ZNF804B: variants seen among roughly 807,000 people sequenced by gnomAD.
ZNF804B encodes zinc finger 804B.
In ZNF804B, 80 loss-of-function variants were observed where a neutral mutation model predicts 101.4. That is an observed-to-expected ratio of 0.79 (90% confidence interval 0.66 to 0.95). ZNF804B has a LOEUF of 0.95. ZNF804B is among the 40% of genes least tolerant of loss of function. The pLI is 0.00. For synonymous variants in ZNF804B, 622 were observed against 558.8 expected (o/e 1.11, Z -1.59); for missense variants, 1,673 against 1,561.9 (o/e 1.07, Z -1.20).
At chr7:88,849,236 A>G (rs748863095) in intron 1 of ZNF804B, among the ~76,000 whole-genome samples, 7 of 151,952 alleles carry the variant, frequency 4.6e-5, no homozygotes, top group Non-Finnish European at 1.0e-4. Flanking sequence ...CTCCAATTTT[A>G]TTTTTCCATA....
chr7:88,948,306 ATTTTTTTTTTTTTT>A (rs68069374), intron 1 of ZNF804B, among the ~76,000 whole-genome samples: 1 of 92,702 alleles, frequency 1.1e-5, no homozygotes, highest in Non-Finnish European at 2.0e-5. Context: ...CCACCCATCC[ATTTTTTTTTTTTTT>A]TTTTTTTTTT....
chr7:89,069,551 G>A (rs763591025), intron 1 of ZNF804B, among the ~76,000 whole-genome samples: 3 of 151,236 alleles, frequency 2.0e-5, no homozygotes, highest in Admixed American at 6.6e-5. Context: ...TAAAAATTTT[G>A]TACTTTTCAA....
rs143193891 is a variant in ZNF804B, at chr7:88,903,228, T to TA, written c.108+143145dup. On this transcript the variant is annotated intron_variant, in intron 1 of 3. Coordinates refer to ENST00000333190, the MANE Select transcript of ZNF804B (RefSeq NM_181646.5). ...TTTTCTGTTCCTGCATTAATTGTCTTAGGGGATTATGGCCTCCAGTTCCAA... is the reference window on the plus strand; with the variant it reads ...TTTTCTGTTCCTGCATTAATTGTCTTAAGGGGATTATGGCCTCCAGTTCCAA... Among the ~76,000 whole-genome samples, 163 of 152,172 alleles carry TA rather than the reference T, an allele frequency of 1.1e-3. 2 individuals are homozygous for TA. Among genetic ancestry groups the TA allele is most frequent in the African/African-American group, 3.8e-3 (159 of 41,530 alleles).
intron 1 of ZNF804B, among the ~76,000 whole-genome samples, chr7:88,963,893 A>G (rs1285130635): frequency 6.6e-6 from 1 of 151,458 alleles, no homozygotes; most frequent in Admixed American, 6.6e-5. Flanking sequence ...TCTAAAAAAG[A>G]TAAATGCCCA....
At chr7:89,041,936 T>C (rs1049419955) in intron 1 of ZNF804B, among the ~76,000 whole-genome samples, 1 of 152,228 alleles carries the variant, frequency 6.6e-6, no homozygotes, top group Non-Finnish European at 1.5e-5. Flanking sequence ...TATTCTACCA[T>C]CTTGCAGACA....
chr7:89,261,544 G>C (rs1332441953), intron 2 of ZNF804B, among the ~76,000 whole-genome samples: 1 of 152,062 alleles, frequency 6.6e-6, no homozygotes, highest in Non-Finnish European at 1.5e-5. Context: ...TCTTTTTAAA[G>C]ACATGCATAT....
At chr7:89,016,935 C>T (rs1347209306) in intron 1 of ZNF804B, among the ~76,000 whole-genome samples, 2 of 152,130 alleles carry the variant, frequency 1.3e-5, no homozygotes, top group East Asian at 3.9e-4. Context: ...GCATTATGGC[C>T]GTTTTCACGA....
chr7:88,761,544 G>A (rs1273865484), intron 1 of ZNF804B, among the ~76,000 whole-genome samples: 1 of 152,148 alleles, frequency 6.6e-6, no homozygotes, highest in African/African-American at 2.4e-5. Context: ...ACAGTGCCAG[G>A]AGAATCTTTC....
At chr7:88,869,254 A>G (rs11972249) in intron 1 of ZNF804B, among the ~76,000 whole-genome samples, 2,174 of 152,318 alleles carry the variant, frequency 0.014, 53 homozygotes, top group African/African-American at 0.049. Context: ...ACTATAAAAC[A>G]TGGCATTTAT....
At chr7:89,247,028 T>A (rs922298838) in intron 2 of ZNF804B, among the ~76,000 whole-genome samples, 1 of 152,116 alleles carries the variant, frequency 6.6e-6, no homozygotes, top group African/African-American at 2.4e-5. Flanking sequence ...CTCCACTACA[T>A]GCCTGCACAG....
chr7:89,319,985 T>TAA (rs1323073534), intron 2 of ZNF804B, among the ~76,000 whole-genome samples: 1 of 143,764 alleles, frequency 7.0e-6, no homozygotes, highest in Non-Finnish European at 1.5e-5. Context: ...TTGGCACATA[T>TAA]AAGTCAAGAA....
At chr7:89,064,023 G>A (rs527644989) in intron 1 of ZNF804B, among the ~76,000 whole-genome samples, 2 of 152,230 alleles carry the variant, frequency 1.3e-5, no homozygotes, top group Admixed American at 6.5e-5. Context: ...TTGGGTTCTC[G>A]AGGAAGCAGA....
intron 1 of ZNF804B, among the ~76,000 whole-genome samples, chr7:89,154,362 C>A (rs1790922814): frequency 6.6e-6 from 1 of 152,128 alleles, no homozygotes; most frequent in African/African-American, 2.4e-5. Flanking sequence ...ACCATATGAT[C>A]CAGCAATCCC....
intron 1 of ZNF804B, among the ~76,000 whole-genome samples, chr7:89,115,726 G>A (rs575136093): frequency 1.2e-4 from 18 of 152,148 alleles, no homozygotes; most frequent in African/African-American, 4.1e-4. Flanking sequence ...TAATAATAAA[G>A]CTCTAAAAGG....
chr7:89,037,760 T>A (rs1217762863), intron 1 of ZNF804B, among the ~76,000 whole-genome samples: 1 of 152,090 alleles, frequency 6.6e-6, no homozygotes, highest in Non-Finnish European at 1.5e-5. Flanking sequence ...AATTTGTTCA[T>A]CCTGCCTAAC....
intron 1 of ZNF804B, among the ~76,000 whole-genome samples, chr7:88,902,313 A>G (rs1792404338): frequency 6.6e-6 from 1 of 152,042 alleles, no homozygotes. Context: ...CCAGCAGCGC[A>G]TCTCTATAGA....
At chr7:88,810,319 A>G (rs960508996) in intron 1 of ZNF804B, among the ~76,000 whole-genome samples, 3 of 152,114 alleles carry the variant, frequency 2.0e-5, no homozygotes, top group African/African-American at 7.2e-5. Context: ...AACTAAAAGT[A>G]CTTTAAAATA....
chr7:89,199,921 T>A (rs1038208331), intron 1 of ZNF804B, among the ~76,000 whole-genome samples: 2 of 148,454 alleles, frequency 1.3e-5, no homozygotes, highest in African/African-American at 2.4e-5. Context: ...ATGTGTATAT[T>A]ATACAATATG....
At chr7:88,928,880 T>C (rs530940008) in intron 1 of ZNF804B, among the ~76,000 whole-genome samples, 91 of 152,236 alleles carry the variant, frequency 6.0e-4, no homozygotes, top group African/African-American at 2.1e-3. Flanking sequence ...TGACTAATCA[T>C]TACAAAATCT....
Sources: allele counts gnomAD v4.1 joint callset (sites outside exome capture counted in the v4.1 genomes callset), GRCh38; gene constraint gnomAD v4.1.1; transcripts MANE v1.5; gene names NCBI Gene and HGNC (gene_info 2026-07-23, HGNC 2026-07-21).